The following TECPR2 variants were observed in gnomAD, a reference collection of about 807,000 sequenced individuals.
The protein encoded by TECPR2 is tectonin beta-propeller repeat-containing protein 2.
A neutral mutation model predicts 138.1 loss-of-function variants in TECPR2; 65 were observed. The observed-to-expected ratio is 0.47, with a 90% CI of 0.39 to 0.58. TECPR2 has a LOEUF of 0.58. Among genes scored for constraint, TECPR2 ranks in the 20% least tolerant of loss-of-function variants. The pLI is 0.00. For missense variants in TECPR2, 1,553 were observed against 1,824.5 expected (o/e 0.85, Z 2.71); for synonymous variants, 746 against 749.8 (o/e 0.99, Z 0.08).
intron 2 of TECPR2, among the ~76,000 whole-genome samples, chr14:102,382,548 C>T (rs567628004): frequency 1.3e-5 from 2 of 152,270 alleles, no homozygotes; most frequent in Non-Finnish European, 2.9e-5. Flanking sequence ...CTGAACAACA[C>T]CATCAGCCAA....
At chr14:102,394,801 C>T (rs1888271346) in intron 2 of TECPR2, among the ~76,000 whole-genome samples, 1 of 152,198 alleles carries the variant, frequency 6.6e-6, no homozygotes, top group African/African-American at 2.4e-5. Context: ...CCATCCTTCT[C>T]ACAAGGTCTC....
At chr14:102,477,045 A>G (rs546021656) in intron 17 of TECPR2, among the ~76,000 whole-genome samples, 1 of 151,854 alleles carries the variant, frequency 6.6e-6, no homozygotes, top group South Asian at 2.1e-4. Context: ...CCCTGTCTCA[A>G]AAACAAACTT....
intron 2 of TECPR2, among the ~76,000 whole-genome samples, chr14:102,391,178 C>G (rs1285234174): frequency 6.6e-6 from 1 of 152,182 alleles, no homozygotes; most frequent in African/African-American, 2.4e-5. Flanking sequence ...TTGCCTCAGC[C>G]TCCCAAATAG....
chr14:102,436,738 T>C (rs1049432558), intron 9 of TECPR2, among the ~76,000 whole-genome samples: 3 of 152,198 alleles, frequency 2.0e-5, no homozygotes, highest in Non-Finnish European at 4.4e-5. Flanking sequence ...TGGCAGCTAG[T>C]TGTGGATTCC....
Position 102,435,347 on chromosome 14 carries a change from C to T in TECPR2, c.2394+136C>T. Reference sequence around the variant, plus strand: ...AAAATCCGTAGGCCAACTCTGTTTTCAAGTCTGGGTTTCAGGGGATTTCCA... The same window carrying T: ...AAAATCCGTAGGCCAACTCTGTTTTTAAGTCTGGGTTTCAGGGGATTTCCA... On this transcript the variant is annotated intron_variant, in intron 9 of 19. Transcript: ENST00000359520. The T allele has an allele frequency of 1.3e-5, 17 of 1,315,440 alleles. No homozygotes were observed. The South Asian group carries it at 2.1e-4, about 16-fold the overall frequency. The allele number at this position is 1,315,440 out of a possible 1,614,324, so 81.5% of individuals were successfully genotyped here.
chr14:102,426,650 G>C (rs927739755), intron 6 of TECPR2, among the ~76,000 whole-genome samples: 9 of 152,222 alleles, frequency 5.9e-5, no homozygotes, highest in African/African-American at 1.9e-4. Flanking sequence ...CCTGAGGTCA[G>C]GAGTTCAAGG....
At chr14:102,491,735 C>T (rs1369941651) in intron 17 of TECPR2, among the ~76,000 whole-genome samples, 1 of 152,182 alleles carries the variant, frequency 6.6e-6, no homozygotes, top group Non-Finnish European at 1.5e-5. Context: ...GATCACTGCC[C>T]CTCCACTCCA....
intron 17 of TECPR2, 46 bp downstream of exon 17, chr14:102,465,335 A>G (rs755994967): frequency 1.1e-4 from 169 of 1,602,656 alleles, no homozygotes; most frequent in Non-Finnish European, 1.4e-4. Context: ...GTAAGACAGA[A>G]ACTGTGAGGA....
At chr14:102,436,297 G>A (rs1889668326) in intron 9 of TECPR2, among the ~76,000 whole-genome samples, 1 of 151,274 alleles carries the variant, frequency 6.6e-6, no homozygotes, top group Admixed American at 6.6e-5. Context: ...CATAAGTCTG[G>A]CTTTTTTTTC....
In TECPR2 at chr14:102,485,359, GT is replaced by G. The variant is rs1010484816; in HGVS notation, c.3790-11614del. 2.6e-5 allele frequency among the ~76,000 whole-genome samples: 4 copies of G among 152,166 alleles called. No individual in the cohort carries two copies. The East Asian group carries it at 5.8e-4, about 22-fold the overall frequency. On this transcript the variant is annotated intron_variant, in intron 17 of 19. Coordinates refer to ENST00000359520, the MANE Select transcript of TECPR2 (RefSeq NM_014844.5). ...AGCTCCCTTTGAGAGAAACTAAATT[GT>G]TTTTTGCCACTTCCTTTAATTTTTT...
intron 16 of TECPR2, among the ~76,000 whole-genome samples, chr14:102,457,869 C>CTTTTTTTTTTTTTTTTTTTTTTTTTT (rs748372168): frequency 6.8e-5 from 7 of 102,772 alleles, no homozygotes; most frequent in African/African-American, 2.0e-4. Context: ...ACTAAATTCC[C>CTTTTTTTTTTTTTTTTTTTTTTTTTT]TTTTTTTTTT....
intron 2 of TECPR2, among the ~76,000 whole-genome samples, chr14:102,381,345 G>C (rs1887811263): frequency 6.6e-6 from 1 of 152,228 alleles, no homozygotes; most frequent in Non-Finnish European, 1.5e-5. Flanking sequence ...GGCTGAGGCA[G>C]GTGGATCACT....
chr14:102,414,174 T>C (rs1888959895), intron 4 of TECPR2, among the ~76,000 whole-genome samples: 1 of 152,182 alleles, frequency 6.6e-6, no homozygotes, highest in Non-Finnish European at 1.5e-5. Context: ...AATATGAACT[T>C]ACAGAGCTGA....
At chr14:102,376,518 G>A (rs1258470061) in intron 1 of TECPR2, 132 bp from the exon 2 acceptor site, 17 of 584,400 alleles carry the variant, frequency 2.9e-5, no homozygotes, top group South Asian at 2.8e-4. Context: ...AGTGACACGT[G>A]TTTACTTTCC....
chr14:102,452,350 G>A (rs776862859), intron 15 of TECPR2, 44 bp from the exon 16 acceptor site: 11 of 1,571,728 alleles, frequency 7.0e-6, no homozygotes, highest in East Asian at 6.9e-5. Context: ...CAGGCGGCTT[G>A]GTGCAGACAA....
At chr14:102,410,837 G>T (rs1386952252) in intron 4 of TECPR2, among the ~76,000 whole-genome samples, 1 of 151,578 alleles carries the variant, frequency 6.6e-6, no homozygotes, top group Non-Finnish European at 1.5e-5. Flanking sequence ...CATCGCAGCT[G>T]ATATCTCCTG....
chr14:102,454,794 C>G (rs989524859), intron 16 of TECPR2, among the ~76,000 whole-genome samples: 1 of 152,224 alleles, frequency 6.6e-6, no homozygotes, highest in African/African-American at 2.4e-5. Flanking sequence ...TGTTCACCTG[C>G]ACCATTTGGG....
intron 7 of TECPR2, among the ~76,000 whole-genome samples, chr14:102,428,623 G>A (rs368290808): frequency 4.0e-5 from 6 of 151,816 alleles, no homozygotes; most frequent in Non-Finnish European, 7.4e-5. Flanking sequence ...CTAGCCAGGC[G>A]TGGTGGCATG....
chr14:102,490,055 T>TA (rs1489224417), intron 17 of TECPR2, among the ~76,000 whole-genome samples: 1 of 151,956 alleles, frequency 6.6e-6, no homozygotes, highest in Admixed American at 6.5e-5. Context: ...ATAAAATAAA[T>TA]ACAGCAAAGG....
Sources: allele counts gnomAD v4.1 joint callset (sites outside exome capture counted in the v4.1 genomes callset), GRCh38; gene constraint gnomAD v4.1.1; transcripts MANE v1.5; gene names NCBI Gene and HGNC (gene_info 2026-07-23, HGNC 2026-07-21).